Variants in XIRP2 observed in about 807,000 individuals in gnomAD.
XIRP2 encodes the protein xin actin-binding repeat-containing protein 2.
In XIRP2, 236 loss-of-function variants were observed where a neutral mutation model predicts 277.0. The observed-to-expected ratio is 0.85, with a 90% CI of 0.77 to 0.95. The LOEUF (loss-of-function observed/expected upper bound fraction) is 0.95, where lower values mean the gene tolerates loss of function less well. Ranked by LOEUF, XIRP2 falls within the 40% of genes least tolerant of loss-of-function variation. The pLI, the probability that XIRP2 is intolerant of heterozygous loss-of-function variation, is 0.00. For synonymous variants in XIRP2, 1,490 were observed against 1,416.5 expected (o/e 1.05, Z -1.17); for missense variants, 4,640 against 4,157.5 (o/e 1.12, Z -3.19).
Position 167,250,246 on chromosome 2 carries a change from G to GCC in XIRP2, c.8854_8855insCC (p.Glu2952AlafsTer11). The GCC allele has an allele frequency of 6.2e-7, 1 of 1,613,256 alleles. No homozygotes were observed. Among genetic ancestry groups the GCC allele is most frequent in the Non-Finnish European group, 8.5e-7 (1 of 1,179,628 alleles). ...TATAGTGGAATTCTTGAGAAAACGTGAAGAACTGCAACAGATTTTGTCGAG... is the reference window on the plus strand; with the variant it reads ...TATAGTGGAATTCTTGAGAAAACGTGCCAAGAACTGCAACAGATTTTGTCGAG... On this transcript the variant is annotated frameshift_variant, in exon 9 of 11. Coordinates refer to ENST00000409195, the MANE Select transcript of XIRP2 (RefSeq NM_152381.6). LOFTEE classifies it high-confidence loss of function.
In XIRP2 at chr2:167,247,735, C is replaced by T; in HGVS notation, c.6343C>T (p.Gln2115Ter). Residue 2115 changes from glutamine to a stop codon, truncating the protein, a stop_gained, in exon 9 of 11, where the codon CAA becomes TAA. Coordinates refer to ENST00000409195, the MANE Select transcript of XIRP2 (RefSeq NM_152381.6). LOFTEE classifies it high-confidence loss of function. ...GAAGGATGATGTCTTTAATTCCATCCAATCTGCTGGTAAAACCGTTGGAAA... is the reference window on the plus strand; with the variant it reads ...GAAGGATGATGTCTTTAATTCCATCTAATCTGCTGGTAAAACCGTTGGAAA... ...LKKDDVFNSI[Q>*]SAGKTVGKQQ... The T allele has an allele frequency of 6.2e-7, 1 of 1,613,558 alleles. No homozygotes were observed. The highest frequency in any genetic ancestry group is 8.5e-7 in the Non-Finnish European group (1 of 1,179,740).
At chr2:167,008,250 A>C (rs779363937) in intron 2 of XIRP2, among the ~76,000 whole-genome samples, 2 of 151,592 alleles carry the variant, frequency 1.3e-5, no homozygotes, top group East Asian at 3.9e-4. Flanking sequence ...TTTTCTGCTA[A>C]GAGAGATCTG....
chr2:167,018,818 C>T (rs1320800097), intron 2 of XIRP2, among the ~76,000 whole-genome samples: 2 of 152,054 alleles, frequency 1.3e-5, no homozygotes, highest in Non-Finnish European at 2.9e-5. Flanking sequence ...ATACACATCA[C>T]CTCCCACTTG....
At chr2:167,032,231 T>C (rs1574186898) in intron 2 of XIRP2, among the ~76,000 whole-genome samples, 1 of 152,114 alleles carries the variant, frequency 6.6e-6, no homozygotes, top group Admixed American at 6.6e-5. Context: ...TAAATGGTGT[T>C]GGGAAAACTG....
chr2:166,933,925 T>C (rs911153226), intron 2 of XIRP2, among the ~76,000 whole-genome samples: 5 of 151,998 alleles, frequency 3.3e-5, no homozygotes, highest in African/African-American at 1.2e-4. Flanking sequence ...GTTTTGAAGA[T>C]GTAAGCCCAT....
Position 167,070,541 on chromosome 2 carries a change from T to C in XIRP2, c.409-65368T>C, listed in dbSNP as rs527466690. 3.9e-5 allele frequency among the ~76,000 whole-genome samples: 6 copies of C among 152,304 alleles called. No individual in the cohort carries two copies. The South Asian group carries it at 1.2e-3, about 32-fold the overall frequency. ...TTTTTCATGTATTGTAAATTTAACA[T>C]CTGAAAATAGTTTGGAATTTAACAT... is the stretch of plus-strand genomic sequence containing the variant. On this transcript the variant is annotated intron_variant, in intron 2 of 10. Coordinates refer to ENST00000409195, the MANE Select transcript of XIRP2 (RefSeq NM_152381.6).
chr2:167,246,242 A>G lies in XIRP2; in HGVS notation c.4850A>G (p.Asp1617Gly), dbSNP rs773542944. 17 of 1,613,466 alleles carry G rather than the reference A, an allele frequency of 1.1e-5. No homozygotes were observed. Among genetic ancestry groups the G allele is most frequent in the Non-Finnish European group, 1.4e-5 (17 of 1,179,740 alleles). ...NIMVNLLSKR[D>G]CTEREILISE... ...ATGGTGAACCTACTTTCCAAAAGGGACTGTACTGAAAGAGAGATTTTGATT... is the reference window on the plus strand; with the variant it reads ...ATGGTGAACCTACTTTCCAAAAGGGGCTGTACTGAAAGAGAGATTTTGATT... The change falls in exon 9 of 11, where the codon GAC (aspartate) becomes GGC (glycine). Residue 1617 changes from aspartate to glycine, a missense_variant. Physicochemically the swap from Asp to Gly is moderately conservative, Grantham distance 94. Transcript: ENST00000409195.
At chr2:166,927,634 C>T (rs1260579745) in intron 2 of XIRP2, among the ~76,000 whole-genome samples, 1 of 152,106 alleles carries the variant, frequency 6.6e-6, no homozygotes, top group Non-Finnish European at 1.5e-5. Context: ...TTGTTTATTA[C>T]AGTGGGACAA....
At chr2:166,994,484 AAAAAAATT>A (rs1687151247) in intron 2 of XIRP2, among the ~76,000 whole-genome samples, 1 of 99,376 alleles carries the variant, frequency 1.0e-5, no homozygotes, top group Admixed American at 1.1e-4. Flanking sequence ...TAATAAAAAA[AAAAAAATT>A]AAAAAAAAAA....
intron 2 of XIRP2, among the ~76,000 whole-genome samples, chr2:167,132,677 G>A (rs1458453539): frequency 6.6e-6 from 1 of 152,100 alleles, no homozygotes; most frequent in Non-Finnish European, 1.5e-5. Context: ...CAGCCTCCCT[G>A]CTCCCACCTA....
intron 3 of XIRP2, among the ~76,000 whole-genome samples, chr2:167,201,214 GAAAGAAAGAAA>G (rs1559018137): frequency 1.0e-5 from 1 of 98,408 alleles, no homozygotes; most frequent in Non-Finnish European, 1.9e-5. Flanking sequence ...AAGAAAGAAA[GAAAGAAAGAAA>G]GAAAGAAAGA....
At chr2:167,210,549 T>A (rs1317054154) in intron 3 of XIRP2, among the ~76,000 whole-genome samples, 186 bp from the exon 4 acceptor site, 18 of 152,230 alleles carry the variant, frequency 1.2e-4, no homozygotes, top group African/African-American at 4.3e-4. Context: ...TATGCTGTTA[T>A]ACACACATTT....
chr2:167,029,373 C>T (rs746241759), intron 2 of XIRP2, among the ~76,000 whole-genome samples: 20 of 152,016 alleles, frequency 1.3e-4, no homozygotes, highest in African/African-American at 2.9e-4. Context: ...TATTCAGATA[C>T]GTTCCCTCAA....
intron 5 of XIRP2, among the ~76,000 whole-genome samples, chr2:167,235,499 T>C (rs1421920621): frequency 2.0e-5 from 3 of 151,972 alleles, no homozygotes; most frequent in East Asian, 1.9e-4. Flanking sequence ...TTATTGGCTA[T>C]CTACTGTGTA....
intron 3 of XIRP2, among the ~76,000 whole-genome samples, chr2:167,147,728 G>A (rs987242772): frequency 6.6e-6 from 1 of 152,130 alleles, no homozygotes; most frequent in Non-Finnish European, 1.5e-5. Context: ...CCTATGCCTT[G>A]TTTGTCATTT....
Position 166,954,407 on chromosome 2 carries a change from G to A in XIRP2, c.408+50517G>A, listed in dbSNP as rs549349862. Among the ~76,000 whole-genome samples, 12 of 151,934 alleles carry A rather than the reference G, an allele frequency of 7.9e-5. No homozygotes were observed. In the South Asian group the frequency reaches 2.3e-3, roughly 29 times the overall value. On this transcript the variant is annotated intron_variant, in intron 2 of 10. Transcript: ENST00000409195. ...CAGTCAGAATGGCAATTATTAAAAC[G>A]TCAAGAAACAACAGATGCTGGTGAG...
At chr2:166,946,537 C>T (rs1225152766) in intron 2 of XIRP2, among the ~76,000 whole-genome samples, 1 of 151,980 alleles carries the variant, frequency 6.6e-6, no homozygotes, top group African/African-American at 2.4e-5. Context: ...CAGATATGTA[C>T]CAGTGATATT....
intron 2 of XIRP2, among the ~76,000 whole-genome samples, chr2:166,938,542 G>T (rs1163286327): frequency 6.6e-6 from 1 of 152,160 alleles, no homozygotes; most frequent in Non-Finnish European, 1.5e-5. Context: ...GAATAAGTGT[G>T]GTATGGTGCT....
Position 167,251,419 on chromosome 2 carries a change from G to T in XIRP2, c.10027G>T (p.Gly3343Cys), listed in dbSNP as rs1366629422. 1 of 1,613,622 alleles carries T rather than the reference G, an allele frequency of 6.2e-7. No individual in the cohort carries two copies. Among genetic ancestry groups the T allele is most frequent in the South Asian group, 1.1e-5 (1 of 91,080 alleles). The change falls in exon 9 of 11, where the codon GGC (glycine) becomes TGC (cysteine). Residue 3343 changes from glycine to cysteine, a missense_variant. Physicochemically the swap from Gly to Cys is radical, Grantham distance 159. Coordinates refer to ENST00000409195, the MANE Select transcript of XIRP2 (RefSeq NM_152381.6). Reference sequence around the variant, plus strand: ...CAGATGGTTCAGGGAATTTGAGCATGGCCCAGTTTCTGAAGCAAAGTCAAA... The same window carrying T: ...CAGATGGTTCAGGGAATTTGAGCATTGCCCAGTTTCTGAAGCAAAGTCAAA... ...INRWFREFEH[G>C]PVSEAKSNRR...
Sources: gnomAD v4.1 joint callset for allele counts (sites outside exome capture counted in the v4.1 genomes callset) on GRCh38, gnomAD v4.1.1 for gene constraint, MANE v1.5 for transcripts, NCBI Gene and HGNC (gene_info 2026-07-23, HGNC 2026-07-21) for gene names.